Variants in STIM1 observed in about 807,000 individuals in gnomAD.
The protein encoded by STIM1 is stromal interaction molecule 1.
In STIM1, 25 loss-of-function variants were observed where a neutral mutation model predicts 74.7. That is an observed-to-expected ratio of 0.33 (90% CI 0.24 to 0.47). STIM1 has a LOEUF of 0.47. STIM1 is among the 20% of genes least tolerant of loss of function. The pLI, the probability that STIM1 is intolerant of heterozygous loss-of-function variation, is 1.00. For missense variants in STIM1, 728 were observed against 920.8 expected (o/e 0.79, Z 2.71); for synonymous variants, 328 against 348.8 (o/e 0.94, Z 0.66).
At chr11:3,908,011 T>C (rs1195067833) in intron 1 of STIM1, among the ~76,000 whole-genome samples, 1 of 152,134 alleles carries the variant, frequency 6.6e-6, no homozygotes, top group Non-Finnish European at 1.5e-5. Flanking sequence ...GCAACCCCTT[T>C]CTCTATTTTT....
At chr11:4,075,383 T>C (rs1222671853) in intron 7 of STIM1, among the ~76,000 whole-genome samples, 1 of 152,228 alleles carries the variant, frequency 6.6e-6, no homozygotes, top group African/African-American at 2.4e-5. Context: ...TCACTTTTGC[T>C]ACCCCAATTA....
chr11:3,878,253 T>C (rs1215299289), intron 1 of STIM1, among the ~76,000 whole-genome samples: 1 of 152,208 alleles, frequency 6.6e-6, no homozygotes, highest in Non-Finnish European at 1.5e-5. Context: ...GAACTTTTGC[T>C]GAGCTGTTTC....
At chr11:3,895,782 T>G (rs1394857411) in intron 1 of STIM1, among the ~76,000 whole-genome samples, 1 of 93,320 alleles carries the variant, frequency 1.1e-5, no homozygotes, top group East Asian at 3.1e-4. Context: ...CTTCCTTCCT[T>G]CCTTCCTTCC....
chr11:4,024,361 T>G (rs2136020962), intron 3 of STIM1, among the ~76,000 whole-genome samples: 2 of 152,318 alleles, frequency 1.3e-5, no homozygotes, highest in Middle Eastern at 6.8e-3. Flanking sequence ...GTCCCAGCTC[T>G]GCTGAGTCCT....
Position 3,902,258 on chromosome 11 carries a change from G to T in STIM1, c.139+45849G>T, listed in dbSNP as rs376296679. On this transcript the variant is annotated intron_variant, in intron 1 of 12. Coordinates refer to ENST00000526596, the MANE Select transcript of STIM1 (RefSeq NM_001382567.1). ...ATGAGTTACTGTAGCTTCCTGGGAT[G>T]GTGTGACTTAACTAATCCCTAAAAC... Among the ~76,000 whole-genome samples, 34 of 152,274 alleles carry T rather than the reference G, an allele frequency of 2.2e-4. No homozygotes were observed. In the East Asian group the frequency reaches 4.8e-3, roughly 22 times the overall value.
chr11:3,932,141 C>T (rs1472886093), intron 1 of STIM1, among the ~76,000 whole-genome samples: 2 of 152,170 alleles, frequency 1.3e-5, no homozygotes, highest in African/African-American at 2.4e-5. Context: ...GTACATAAGG[C>T]AGTTCTCTTG....
At chr11:4,027,702 A>G (rs950758930) in intron 3 of STIM1, among the ~76,000 whole-genome samples, 3 of 152,168 alleles carry the variant, frequency 2.0e-5, no homozygotes, top group African/African-American at 7.2e-5. Flanking sequence ...GTCAGATATG[A>G]CAAGAGAAGA....
intron 1 of STIM1, among the ~76,000 whole-genome samples, chr11:3,917,726 A>AC (rs2092667339): frequency 6.6e-6 from 1 of 152,022 alleles, no homozygotes. Context: ...GAGCCACCGT[A>AC]CCCAGCCTTG....
rs1158033002 is a variant in STIM1 at position 4,084,729 on chromosome 11, G to A, written c.1531G>A (p.Ala511Thr). 7 of 1,289,244 alleles carry A rather than the reference G, an allele frequency of 5.4e-6. No homozygotes were observed. The highest frequency in any genetic ancestry group is 1.1e-4 in the East Asian group (2 of 18,034). 79.9% of individuals were successfully genotyped at this position (1,289,244 alleles called of 1,614,324 possible). Residue 511 changes from alanine (A) to threonine (T), a missense_variant, in exon 11 of 13, where the codon GCC (alanine) becomes ACC (threonine). Ala to Thr is a moderately conservative substitution (Grantham distance 58). Transcript: ENST00000526596. Reference protein sequence around the residue: ...FSDRSLCSTSAGSDDQSLWKY... With the variant: ...FSDRSLCSTSTGSDDQSLWKY... ...TGACCGCTCTCTCTGCTCTACATCC[G>A]CCGGCTCGGATGATCAGTCCCTCTG...
intron 2 of STIM1, among the ~76,000 whole-genome samples, chr11:4,002,455 A>G (rs1338672069): frequency 2.0e-5 from 3 of 152,104 alleles, no homozygotes; most frequent in Admixed American, 6.6e-5. Flanking sequence ...GCTCAATTAC[A>G]TGGAAACTGA....
intron 2 of STIM1, among the ~76,000 whole-genome samples, chr11:4,012,794 T>G (rs902142778): frequency 1.1e-4 from 16 of 152,340 alleles, no homozygotes; most frequent in Admixed American, 8.5e-4. Flanking sequence ...GGCATCCTTG[T>G]CTTGTGCCAG....
chr11:4,022,263 G>A (rs2093961661), intron 2 of STIM1, among the ~76,000 whole-genome samples: 1 of 150,854 alleles, frequency 6.6e-6, no homozygotes, highest in African/African-American at 2.5e-5. Flanking sequence ...TGAGGCCCAG[G>A]AGGTGGAGGT....
chr11:3,873,137 C>G (rs991375539), intron 1 of STIM1, among the ~76,000 whole-genome samples: 1 of 151,880 alleles, frequency 6.6e-6, no homozygotes, highest in Non-Finnish European at 1.5e-5. Flanking sequence ...AAAACTTGGC[C>G]GGGTGCGGTG....
At chr11:3,907,851 A>G (rs1473728294) in intron 1 of STIM1, among the ~76,000 whole-genome samples, 2 of 152,202 alleles carry the variant, frequency 1.3e-5, no homozygotes, top group East Asian at 3.8e-4. Context: ...CTCTTGCCTC[A>G]GGGCCTTTGC....
At chr11:4,051,543 A>G (rs1487573144) in intron 3 of STIM1, among the ~76,000 whole-genome samples, 1 of 151,718 alleles carries the variant, frequency 6.6e-6, no homozygotes, top group African/African-American at 2.4e-5. Flanking sequence ...AGGTTTCACC[A>G]TGTTGGCCAG....
chr11:3,856,198 C>T lies in STIM1; in HGVS notation c.-73C>T. 6.2e-7 allele frequency: 1 copy of T among 1,604,264 alleles called. No homozygotes were observed. The highest frequency in any genetic ancestry group is 8.5e-7 in the Non-Finnish European group (1 of 1,173,800). ...TTGCCTGGAGACCGTCGGCTGCACT[C>T]CCGGGCTCCTGGCTTTGCCTCTGGG... On this transcript the variant is annotated 5_prime_UTR_variant, in exon 1 of 13. Transcript: ENST00000526596.
chr11:3,863,313 T>C, intron 1 of STIM1, among the ~76,000 whole-genome samples: 1 of 149,980 alleles, frequency 6.7e-6, no homozygotes, highest in Non-Finnish European at 1.5e-5. Flanking sequence ...TGGATTGCAG[T>C]GGTGTGATCA....
chr11:4,082,777 C>T, intron 8 of STIM1, 105 bp from the exon 9 acceptor site: 3 of 875,474 alleles, frequency 3.4e-6, no homozygotes, highest in Non-Finnish European at 5.7e-6. Context: ...TGTACAGCCT[C>T]AGTTGTGCTA....
chr11:3,998,459 C>T lies in STIM1; in HGVS notation c.271-25414C>T, dbSNP rs180710149. On this transcript the variant is annotated intron_variant, in intron 2 of 12. Coordinates refer to ENST00000526596, the MANE Select transcript of STIM1 (RefSeq NM_001382567.1). ...TTGACTAGCTATTGTAAGCTAAGCTCTCTGCTACATGTTATAGGACAAACT... is the reference window on the plus strand; with the variant it reads ...TTGACTAGCTATTGTAAGCTAAGCTTTCTGCTACATGTTATAGGACAAACT... Among the ~76,000 whole-genome samples, 150 of 152,288 alleles carry T rather than the reference C, an allele frequency of 9.8e-4. 2 individuals carry two copies. Among genetic ancestry groups the T allele is most frequent in the African/African-American group, 3.4e-3 (143 of 41,548 alleles).
Sources: allele counts gnomAD v4.1 joint callset (sites outside exome capture counted in the v4.1 genomes callset), GRCh38; gene constraint gnomAD v4.1.1; transcripts MANE v1.5; gene names NCBI Gene and HGNC (gene_info 2026-07-23, HGNC 2026-07-21).